The following CCNT2 variants were observed in gnomAD, a reference collection of about 807,000 sequenced individuals.
CCNT2 encodes the protein cyclin-T2.
CCNT2 carries 18 observed loss-of-function variants against 70.0 expected under a neutral mutation model. The ratio of observed to expected loss-of-function variants is 0.26; its 90% confidence interval spans 0.18 to 0.38. The LOEUF is 0.38. CCNT2 is among the 10% of genes least tolerant of loss of function. The pLI, the probability that CCNT2 is intolerant of heterozygous loss-of-function variation, is 1.00. For synonymous variants in CCNT2, 334 were observed against 313.3 expected, an observed-to-expected ratio of 1.07 and a Z score of -0.70; for missense variants, 734 against 890.2, an observed-to-expected ratio of 0.82 and a Z score of 2.23.
At chr2:134,932,004 T>G (rs1220358561) in intron 2 of CCNT2, among the ~76,000 whole-genome samples, 1 of 152,158 alleles carries the variant, frequency 6.6e-6, no homozygotes, top group Non-Finnish European at 1.5e-5. Context: ...TTTTCTTTTT[T>G]GTTTTTTTTC....
chr2:134,957,851 C>T lies in CCNT2; in HGVS notation c.*3203C>T, dbSNP rs1041153032. 1 of 151,700 alleles carries T rather than the reference C, an allele frequency of 6.6e-6. No individual in the cohort carries two copies. The highest frequency in any genetic ancestry group is 2.4e-5 in the African/African-American group (1 of 41,234). The allele number at this position is 151,700 out of a possible 1,614,324, so 9.4% of individuals were successfully genotyped here. A position where few individuals can be genotyped will look rare whatever the true frequency, so the allele number is the denominator to read the frequency against. On this transcript the variant is annotated 3_prime_UTR_variant, in exon 9 of 9. Coordinates refer to ENST00000264157, the MANE Select transcript of CCNT2 (RefSeq NM_058241.3). ...ACATGATGTATGGTTTCTTGAATGT[C>T]ATGAGTGGCTGCGTATATTGCTTTG...
chr2:134,933,303 G>C (rs936878634), intron 2 of CCNT2, among the ~76,000 whole-genome samples: 1 of 152,180 alleles, frequency 6.6e-6, no homozygotes, highest in African/African-American at 2.4e-5. Flanking sequence ...AGAGAATAAG[G>C]ACTAGAATGA....
intron 2 of CCNT2, among the ~76,000 whole-genome samples, chr2:134,924,781 G>GT (rs1260719178): frequency 6.6e-6 from 1 of 152,050 alleles, no homozygotes; most frequent in Admixed American, 6.6e-5. Context: ...TTTCTTTATA[G>GT]TTTTAGCACC....
intron 7 of CCNT2, among the ~76,000 whole-genome samples, chr2:134,951,375 A>G (rs1023214165): frequency 6.6e-6 from 1 of 152,198 alleles, no homozygotes; most frequent in African/African-American, 2.4e-5. Context: ...GAGAGTGGCT[A>G]GTAACTATTA....
intron 7 of CCNT2, among the ~76,000 whole-genome samples, chr2:134,949,809 G>C (rs890573601): frequency 2.2e-5 from 3 of 135,424 alleles, no homozygotes; most frequent in Non-Finnish European, 3.2e-5. Context: ...TTTCGGGGGG[G>C]GGGTGGGGGA....
intron 3 of CCNT2, among the ~76,000 whole-genome samples, chr2:134,938,102 CA>C (rs1559100929): frequency 6.6e-6 from 1 of 151,960 alleles, no homozygotes; most frequent in Non-Finnish European, 1.5e-5. Flanking sequence ...TTAATGTAGC[CA>C]TTAAATAATA....
intron 8 of CCNT2, 174 bp from the exon 9 acceptor site, chr2:134,953,056 C>CT (rs1682644277): frequency 1.5e-5 from 8 of 522,014 alleles, no homozygotes; most frequent in Non-Finnish European, 2.3e-5. Flanking sequence ...TTTTTATAGC[C>CT]TTTTATGCCT....
chr2:134,938,975 C>T (rs768130795), intron 3 of CCNT2, 27 bp from the exon 4 acceptor site: 323 of 1,473,264 alleles, frequency 2.2e-4, no homozygotes, highest in Non-Finnish European at 3.0e-4. Context: ...TTATTTTAAT[C>T]AATTTGATAA....
At position 134,929,607 on chromosome 2, in the gene CCNT2, C is replaced by G. The variant is rs375599494; in HGVS notation, c.241-7234C>G. Among the ~76,000 whole-genome samples the G allele has an allele frequency of 2.8e-3, 155 of 54,974 alleles. 5 individuals are homozygous for G. The Middle Eastern group carries it at 0.3, about 106-fold the overall frequency. 36.1% of individuals were successfully genotyped at this position (54,974 alleles called of 152,430 possible). A position where few individuals can be genotyped will look rare whatever the true frequency, so the allele number is the denominator to read the frequency against. ...TAGGTGACAGAGCAAGACCCTGTCTCAAAAACAGAGAGAGAGAGAGAGAGA... is the reference window on the plus strand; with the variant it reads ...TAGGTGACAGAGCAAGACCCTGTCTGAAAAACAGAGAGAGAGAGAGAGAGA... On this transcript the variant is annotated intron_variant, in intron 2 of 8. Transcript: ENST00000264157.
At chr2:134,952,200 C>T (rs1010756589) in intron 7 of CCNT2, among the ~76,000 whole-genome samples, 4 of 152,114 alleles carry the variant, frequency 2.6e-5, no homozygotes, top group Non-Finnish European at 4.4e-5. Context: ...TTTAAAGTCA[C>T]TATTTTTTTT....
In CCNT2 at chr2:134,953,452, A is replaced by G. The variant is rs377180297; in HGVS notation, c.997A>G (p.Met333Val). The G allele has an allele frequency of 4.6e-4, 750 of 1,613,790 alleles. 7 individuals carry two copies. In the South Asian group the frequency reaches 6.5e-3, roughly 14 times the overall value. ...QDSHTSDNLS[M>V]LATGMPSTSY... Reference sequence around the variant, plus strand: ...CAGCCATACATCTGATAATTTGTCAATGCTAGCAACAGGAATGCCAAGTAC... The same window carrying G: ...CAGCCATACATCTGATAATTTGTCAGTGCTAGCAACAGGAATGCCAAGTAC... The change falls in exon 9 of 9, where the codon ATG becomes GTG. Residue 333 changes from methionine to valine, a missense_variant. Physicochemically the swap from Met to Val is conservative, Grantham distance 21. Around this residue, in one of 3 missense-constraint regions of CCNT2, gnomAD observed 532 missense variants for 556.9 expected, o/e 0.96. Transcript: ENST00000264157.
In CCNT2 at chr2:134,944,121, A is replaced by G. The variant is rs981642281; in HGVS notation, c.493+1447A>G. The G allele has an allele frequency of 6.1e-6, 6 of 984,174 alleles. No homozygotes were observed. In the African/African-American group the frequency reaches 8.7e-5, roughly 14 times the overall value. The allele number at this position is 984,174 out of a possible 1,614,324, so 61.0% of individuals were successfully genotyped here. On this transcript the variant is annotated intron_variant, in intron 5 of 8. Coordinates refer to ENST00000264157, the MANE Select transcript of CCNT2 (RefSeq NM_058241.3). ...TCATTTGTAAGCTAGAACATATTTAACTGTGGTTCCTGTTCTTCATGGTTA... is the reference window on the plus strand; with the variant it reads ...TCATTTGTAAGCTAGAACATATTTAGCTGTGGTTCCTGTTCTTCATGGTTA...
At chr2:134,935,582 G>T (rs905841195) in intron 2 of CCNT2, among the ~76,000 whole-genome samples, 1 of 152,098 alleles carries the variant, frequency 6.6e-6, no homozygotes, top group African/African-American at 2.4e-5. Context: ...TGAAAAATGG[G>T]TACTCAAATC....
intron 5 of CCNT2, chr2:134,945,896 G>T (rs1416986722): frequency 6.6e-7 from 1 of 1,519,126 alleles, no homozygotes; most frequent in South Asian, 1.2e-5. Flanking sequence ...CAGATCTTTG[G>T]GGGATAGCAA....
intron 2 of CCNT2, among the ~76,000 whole-genome samples, chr2:134,927,397 A>G (rs1198976606): frequency 3.3e-5 from 5 of 152,190 alleles, no homozygotes; most frequent in Admixed American, 2.0e-4. Context: ...GGTAATTTAT[A>G]TGCTTCTCTG....
At chr2:134,920,642 A>G (rs1009354454) in intron 2 of CCNT2, among the ~76,000 whole-genome samples, 1 of 152,090 alleles carries the variant, frequency 6.6e-6, no homozygotes, top group Admixed American at 6.5e-5. Flanking sequence ...TGTGTGTTAA[A>G]GAAAATTGCA....
chr2:134,928,309 A>ATTTTT (rs1680457642), intron 2 of CCNT2, among the ~76,000 whole-genome samples: 5 of 89,844 alleles, frequency 5.6e-5, no homozygotes, highest in East Asian at 3.4e-4. Context: ...ACGGAGTTTC[A>ATTTTT]TTCTTGTTGC....
chr2:134,945,068 C>G, intron 5 of CCNT2: 1 of 985,400 alleles, frequency 1.0e-6, no homozygotes, highest in African/African-American at 1.7e-5. Context: ...CCTTCCCTCC[C>G]CACCAGGAAA....
rs73959213 is a variant in CCNT2 at position 134,925,321 on chromosome 2, T to C, written c.240+5430T>C. ...CTGGATTTTTGCCCTTTTTGTGATA[T>C]AATTCACATATTGTACATTTCACCC... On this transcript the variant is annotated intron_variant, in intron 2 of 8. Transcript: ENST00000264157. Among the ~76,000 whole-genome samples the C allele has an allele frequency of 7.1e-3, 1,074 of 152,336 alleles. 13 individuals carry two copies. The highest frequency in any genetic ancestry group is 0.025 in the African/African-American group (1,028 of 41,564).
Sources: allele counts gnomAD v4.1 joint callset (sites outside exome capture counted in the v4.1 genomes callset), GRCh38; gene constraint gnomAD v4.1.1; regional missense constraint gnomAD v4.1.1; transcripts MANE v1.5; gene names NCBI Gene and HGNC (gene_info 2026-07-23, HGNC 2026-07-21).